CNBD1: variants seen among roughly 807,000 people sequenced by gnomAD.
The protein encoded by CNBD1 is cyclic nucleotide-binding domain-containing protein 1.
CNBD1 carries 71 observed loss-of-function variants against 54.4 expected under a neutral mutation model. The observed-to-expected ratio is 1.30, with a 90% CI of 1.08 to 1.59. CNBD1 has a LOEUF of 1.59. CNBD1 is among the 40% of genes most tolerant of loss of function. The pLI is 0.00. For missense variants in CNBD1, 659 were observed against 518.0 expected, an observed-to-expected ratio of 1.27 and a Z score of -2.64; for synonymous variants, 182 against 170.7, an observed-to-expected ratio of 1.07 and a Z score of -0.51.
intron 8 of CNBD1, among the ~76,000 whole-genome samples, chr8:87,321,866 A>G (rs545439371): frequency 6.7e-6 from 1 of 148,618 alleles, no homozygotes; most frequent in African/African-American, 2.5e-5. Context: ...GGTTAGTTAC[A>G]TATGTATACA....
At chr8:87,236,015 A>T (rs944119367) in intron 5 of CNBD1, among the ~76,000 whole-genome samples, 1 of 152,148 alleles carries the variant, frequency 6.6e-6, no homozygotes, top group African/African-American at 2.4e-5. Flanking sequence ...AAGCACTCAG[A>T]AAAAAAGCAG....
At chr8:87,424,343 T>G (rs915632710) in intron 2 of CNBD1, among the ~76,000 whole-genome samples, 6 of 152,068 alleles carry the variant, frequency 3.9e-5, no homozygotes, top group African/African-American at 1.5e-4. Context: ...GCTCGTGCTT[T>G]TCTAGTTCTT....
intron 3 of CNBD1, among the ~76,000 whole-genome samples, chr8:86,934,938 C>T (rs1249838425): frequency 6.6e-6 from 1 of 152,134 alleles, no homozygotes; most frequent in African/African-American, 2.4e-5. Flanking sequence ...GATATCAAGG[C>T]TAGGCTGGCC....
intron 4 of CNBD1, among the ~76,000 whole-genome samples, chr8:87,057,341 C>T (rs928341100): frequency 6.6e-6 from 1 of 152,142 alleles, no homozygotes; most frequent in Non-Finnish European, 1.5e-5. Flanking sequence ...AGGCCCCTTA[C>T]TTTAATAAAA....
At chr8:87,295,976 T>A (rs894758472) in intron 8 of CNBD1, among the ~76,000 whole-genome samples, 1 of 152,170 alleles carries the variant, frequency 6.6e-6, no homozygotes, top group Non-Finnish European at 1.5e-5. Flanking sequence ...CTCTTATGTT[T>A]CGCTATGAAT....
chr8:87,106,840 T>A (rs1373040592), intron 4 of CNBD1, among the ~76,000 whole-genome samples: 2 of 152,176 alleles, frequency 1.3e-5, no homozygotes, highest in Non-Finnish European at 2.9e-5. Context: ...TTATTTATTT[T>A]TTATTTTGAG....
chr8:86,997,935 C>G (rs560485930), intron 4 of CNBD1, among the ~76,000 whole-genome samples: 6 of 152,122 alleles, frequency 3.9e-5, no homozygotes, highest in Non-Finnish European at 8.8e-5. Context: ...TTTAGTTTAA[C>G]GTTCCTTGTT....
At chr8:86,900,237 A>G (rs1262559007) in intron 2 of CNBD1, among the ~76,000 whole-genome samples, 3 of 152,146 alleles carry the variant, frequency 2.0e-5, no homozygotes, top group South Asian at 4.1e-4. Context: ...CTTCTAAGGT[A>G]TAAGATACGT....
chr8:87,390,635 T>G (rs973008086), intron 2 of CNBD1, among the ~76,000 whole-genome samples: 1 of 152,198 alleles, frequency 6.6e-6, no homozygotes, highest in Non-Finnish European at 1.5e-5. Context: ...ACTTTTGCAC[T>G]GTTGGTGGGA....
chr8:86,921,908 G>A (rs759311700), intron 3 of CNBD1, among the ~76,000 whole-genome samples: 2 of 152,102 alleles, frequency 1.3e-5, no homozygotes, highest in Non-Finnish European at 2.9e-5. Flanking sequence ...TGGTGGTGCT[G>A]ACAGGGTCTG....
chr8:87,110,404 A>G (rs191686710), intron 4 of CNBD1, among the ~76,000 whole-genome samples: 6 of 152,150 alleles, frequency 3.9e-5, no homozygotes, highest in Admixed American at 2.6e-4. Context: ...CCCAAAAATG[A>G]CCTTCTGCAT....
intron 2 of CNBD1, among the ~76,000 whole-genome samples, chr8:87,390,901 C>G (rs1264509661): frequency 6.6e-6 from 1 of 152,112 alleles, no homozygotes; most frequent in African/African-American, 2.4e-5. Flanking sequence ...CTATGTAATA[C>G]TATGCAGCCA....
intron 4 of CNBD1, among the ~76,000 whole-genome samples, chr8:87,071,805 T>G (rs1408248636): frequency 6.6e-6 from 1 of 151,894 alleles, no homozygotes; most frequent in Non-Finnish European, 1.5e-5. Flanking sequence ...GGGTGGAGAG[T>G]TATGTAGATA....
chr8:86,924,727 G>A (rs950427822), intron 3 of CNBD1, among the ~76,000 whole-genome samples: 1 of 152,104 alleles, frequency 6.6e-6, no homozygotes, highest in African/African-American at 2.4e-5. Flanking sequence ...TTAATATATT[G>A]CTATATATTA....
intron 4 of CNBD1, among the ~76,000 whole-genome samples, chr8:86,943,809 A>T (rs1471087610): frequency 6.6e-6 from 1 of 150,808 alleles, no homozygotes; most frequent in East Asian, 1.9e-4. Flanking sequence ...CAATCACAAT[A>T]AACAAAAAGG....
intron 4 of CNBD1, among the ~76,000 whole-genome samples, chr8:87,191,970 A>T (rs899555355): frequency 6.6e-6 from 1 of 152,218 alleles, no homozygotes; most frequent in African/African-American, 2.4e-5. Context: ...AAAAATTTAT[A>T]TAACATTACC....
chr8:86,940,787 G>T (rs1287887618), intron 4 of CNBD1, among the ~76,000 whole-genome samples: 1 of 152,188 alleles, frequency 6.6e-6, no homozygotes, highest in African/African-American at 2.4e-5. Flanking sequence ...AAAATCAATA[G>T]CAGGGAATGA....
At chr8:87,038,363 A>G (rs1281641429) in intron 4 of CNBD1, among the ~76,000 whole-genome samples, 2 of 152,208 alleles carry the variant, frequency 1.3e-5, no homozygotes, top group African/African-American at 4.8e-5. Context: ...GAGTTATTAC[A>G]CAAATCAATT....
intron 1 of CNBD1, among the ~76,000 whole-genome samples, chr8:86,870,854 G>T (rs1177103458): frequency 3.9e-5 from 6 of 152,076 alleles, no homozygotes; most frequent in African/African-American, 1.4e-4. Flanking sequence ...TTCCAAGAAG[G>T]AGTAAAAGGT....
Sources: gnomAD v4.1 joint callset for allele counts (sites outside exome capture counted in the v4.1 genomes callset) on GRCh38, gnomAD v4.1.1 for gene constraint, MANE v1.5 for transcripts, NCBI Gene and HGNC (gene_info 2026-07-23, HGNC 2026-07-21) for gene names.